TEX15: variants seen among roughly 807,000 people sequenced by gnomAD.
TEX15 encodes testis-expressed protein 15.
Under a neutral mutation model 237.3 loss-of-function variants are expected in TEX15, and 171 were observed. The observed-to-expected ratio is 0.72, with a 90% CI of 0.64 to 0.82. TEX15 has a LOEUF of 0.82. TEX15 is among the 40% of genes least tolerant of loss of function. The pLI, the probability that TEX15 is intolerant of heterozygous loss-of-function variation, is 0.00. For missense variants in TEX15, 3,750 were observed against 3,646.5 expected (o/e 1.03, Z -0.73); for synonymous variants, 1,338 against 1,269.8 (o/e 1.05, Z -1.14).
Position 30,837,733 on chromosome 8 carries a change from T to G in TEX15, c.8551A>C (p.Thr2851Pro). The G allele has an allele frequency of 5.0e-6, 8 of 1,614,162 alleles. No homozygotes were observed. Among genetic ancestry groups the G allele is most frequent in the Non-Finnish European group, 6.8e-6 (8 of 1,179,990 alleles). ...AICDQKSVHG[T>P]FSPDHGTLLQ... ...AGCGTCCCATGGTCTGGTGAAAATG[T>G]GCCATGTACACTTTTTTGGTCACAA... Residue 2851 changes from threonine to proline, a missense_variant, in exon 10 of 11, where the codon ACA becomes CCA. By Grantham distance (38) the Thr-to-Pro change is conservative. Transcript: ENST00000643185.
chr8:30,846,724 G>C lies in TEX15; in HGVS notation c.3443C>G (p.Thr1148Ser), dbSNP rs201042879. The C allele has an allele frequency of 3.3e-5, 54 of 1,613,468 alleles. No homozygotes were observed. The highest frequency in any genetic ancestry group is 4.5e-5 in the Non-Finnish European group (53 of 1,179,748). The change falls in exon 8 of 11, where the codon ACC (threonine) becomes AGC (serine). Residue 1148 changes from threonine (T) to serine (S), a missense_variant. Physicochemically the swap from Thr to Ser is moderately conservative, Grantham distance 58. Coordinates refer to ENST00000643185, the MANE Select transcript of TEX15 (RefSeq NM_001350162.2). ...TAGATCTGGAAGTAAAATTGGGCTG[G>C]TAAGTTCTGTTTCATTGTTTTGTGT... Reference protein sequence around the residue: ...SSTQNNETELTSPILLPDLQI... With the variant: ...SSTQNNETELSSPILLPDLQI...
chr8:30,848,191 T>C lies in TEX15; in HGVS notation c.1976A>G (p.Tyr659Cys), dbSNP rs780152051. 6.2e-7 allele frequency: 1 copy of C among 1,611,810 alleles called. No individual in the cohort carries two copies. The highest frequency in any genetic ancestry group is 1.7e-5 in the Admixed American group (1 of 59,746). The change falls in exon 8 of 11, where the codon TAC becomes TGC. Residue 659 changes from tyrosine to cysteine, a missense_variant. Tyr to Cys is a radical substitution (Grantham distance 194). Coordinates refer to ENST00000643185, the MANE Select transcript of TEX15 (RefSeq NM_001350162.2). The part of the protein sequence containing the change: ...NETKISPIDN[Y>C]IVLHQEYKES... ...TTTGTATTCTTGGTGCAAAACAATG[T>C]AATTATCTATTGGACTGATTTTTGT... is the stretch of plus-strand genomic sequence containing the variant.
At chr8:30,888,303 A>G (rs1258163306) in intron 2 of TEX15, among the ~76,000 whole-genome samples, 1 of 152,200 alleles carries the variant, frequency 6.6e-6, no homozygotes, top group Non-Finnish European at 1.5e-5. Flanking sequence ...CTCTGGCTTT[A>G]GAAGAAACTT....
chr8:30,891,910 ACTAT>A (rs1365921334), intron 2 of TEX15, among the ~76,000 whole-genome samples: 5 of 152,260 alleles, frequency 3.3e-5, no homozygotes, highest in South Asian at 2.1e-4. Flanking sequence ...TATATGAGAT[ACTAT>A]CTTTTTTGCT....
chr8:30,846,385 A>G lies in TEX15; in HGVS notation c.3782T>C (p.Leu1261Ser). The change falls in exon 8 of 11, where the codon TTG becomes TCG. Residue 1261 changes from leucine (L) to serine (S), a missense_variant. Physicochemically the swap from Leu to Ser is moderately radical, Grantham distance 145. Transcript: ENST00000643185. ...TGTGACATTAGAAGGTTCAGTAAACAAAGATTCACTGTTCTGATTTTCAGA... is the reference window on the plus strand; with the variant it reads ...TGTGACATTAGAAGGTTCAGTAAACGAAGATTCACTGTTCTGATTTTCAGA... ...HTSENQNSESLFTEPSNVTTI... is the reference protein window; with the variant it reads ...HTSENQNSESSFTEPSNVTTI... The G allele has an allele frequency of 6.2e-7, 1 of 1,613,414 alleles. No homozygotes were observed. The highest frequency in any genetic ancestry group is 1.1e-5 in the South Asian group (1 of 91,014).
In TEX15 at chr8:30,845,729, T is replaced by C; in HGVS notation, c.4438A>G (p.Thr1480Ala). 6.2e-7 allele frequency: 1 copy of C among 1,613,666 alleles called. No homozygotes were observed. Among genetic ancestry groups the C allele is most frequent in the South Asian group, 1.1e-5 (1 of 91,064 alleles). The stretch of plus-strand genomic sequence containing the variant: ...GAAAGGCATTTTTTCTCTCCACTTG[T>C]TTTATAAGACTTGTGCTTTGACACA... ...THVSKHKSYK[T>A]SGEKKCLSRK... is the part of the protein sequence containing the mutation. Residue 1480 changes from threonine (T) to alanine (A), a missense_variant, in exon 8 of 11, where the codon ACA (threonine) becomes GCA (alanine). Transcript: ENST00000643185.
intron 1 of TEX15, among the ~76,000 whole-genome samples, chr8:30,909,097 AAC>A (rs1340670326): frequency 6.6e-6 from 1 of 152,178 alleles, no homozygotes; most frequent in African/African-American, 2.4e-5. Flanking sequence ...GAGGCATATT[AAC>A]AGTGATTGTG....
At position 30,842,891 on chromosome 8, in the gene TEX15, C is replaced by T. The variant is rs765220951; in HGVS notation, c.7276G>A (p.Val2426Met). Residue 2426 changes from valine (V) to methionine (M), a missense_variant, in exon 8 of 11, where the codon GTG becomes ATG. Coordinates refer to ENST00000643185, the MANE Select transcript of TEX15 (RefSeq NM_001350162.2). The stretch of plus-strand genomic sequence containing the variant: ...GCCTCATGGCTGTGGTTTATCACCA[C>T]GTCTAAAACATTTTCTTCTGTGATA... Reference protein sequence around the residue: ...IFITEENVLDVVINHSHEAII... With the variant: ...IFITEENVLDMVINHSHEAII... The T allele has an allele frequency of 1.6e-5, 26 of 1,609,578 alleles. No individual in the cohort carries two copies. Among genetic ancestry groups the T allele is most frequent in the Admixed American group, 8.4e-5 (5 of 59,572 alleles).
Position 30,844,244 on chromosome 8 carries a change from TCAG to T in TEX15, c.5920_5922del (p.Leu1974del), listed in dbSNP as rs771068650. On this transcript the variant is annotated inframe_deletion, in exon 8 of 11. Coordinates refer to ENST00000643185, the MANE Select transcript of TEX15 (RefSeq NM_001350162.2). ...TCACTCACGTATGACGCAGGTTTCTTCAGAAGAGTAGGGACTTTACAGGTTTCA... is the reference window on the plus strand; with the variant it reads ...TCACTCACGTATGACGCAGGTTTCTTAAGAGTAGGGACTTTACAGGTTTCA... The T allele has an allele frequency of 6.2e-7, 1 of 1,612,682 alleles. No homozygotes were observed. The highest frequency in any genetic ancestry group is 2.2e-5 in the East Asian group (1 of 44,866).
chr8:30,845,310 A>C lies in TEX15; in HGVS notation c.4857T>G (p.Ser1619=), dbSNP rs1165970523. Residue 1619 remains serine (S), a synonymous_variant, in exon 8 of 11, where the codon TCT becomes TCG. Coordinates refer to ENST00000643185, the MANE Select transcript of TEX15 (RefSeq NM_001350162.2). The stretch of plus-strand genomic sequence containing the variant: ...TTATGTTTTCTTTTATGCAACTTAA[A>C]GATACAGAATTACTTTCATTTATTA... ...NEVINESNSV[S]LSCIKENINS... is the part of the protein sequence containing the mutation. The C allele has an allele frequency of 2.5e-6, 4 of 1,612,952 alleles. No individual in the cohort carries two copies. Among genetic ancestry groups the C allele is most frequent in the Non-Finnish European group, 3.4e-6 (4 of 1,179,434 alleles).
At chr8:30,893,994 TC>T (rs1475171390) in intron 2 of TEX15, among the ~76,000 whole-genome samples, 1 of 152,218 alleles carries the variant, frequency 6.6e-6, no homozygotes, top group Non-Finnish European at 1.5e-5. Context: ...ATATCATGTT[TC>T]TTCATATCTA....
intron 3 of TEX15, among the ~76,000 whole-genome samples, chr8:30,885,125 C>A (rs1416961951): frequency 6.6e-6 from 1 of 151,910 alleles, no homozygotes; most frequent in Non-Finnish European, 1.5e-5. Flanking sequence ...TGGGTATTTT[C>A]CAGCTATCTT....
chr8:30,896,460 A>G (rs1808908163), intron 2 of TEX15, among the ~76,000 whole-genome samples: 1 of 152,110 alleles, frequency 6.6e-6, no homozygotes, highest in South Asian at 2.1e-4. Flanking sequence ...CTTAGAGGGC[A>G]TTAGTGTGAT....
At chr8:30,861,747 A>C (rs950591718) in intron 5 of TEX15, among the ~76,000 whole-genome samples, 15 of 152,174 alleles carry the variant, frequency 9.9e-5, no homozygotes, top group Non-Finnish European at 1.8e-4. Flanking sequence ...AAAAAATTAA[A>C]AACGTGAAAT....
chr8:30,847,889 T>C lies in TEX15; in HGVS notation c.2278A>G (p.Ile760Val). The C allele has an allele frequency of 3.1e-6, 5 of 1,613,936 alleles. No homozygotes were observed. The highest frequency in any genetic ancestry group is 4.2e-6 in the Non-Finnish European group (5 of 1,179,938). Reference sequence around the variant, plus strand: ...GGTTTCGGGAAAGCTTCAGTTATAATGCTAGCATAATTTTGATTTATTTTC... The same window carrying C: ...GGTTTCGGGAAAGCTTCAGTTATAACGCTAGCATAATTTTGATTTATTTTC... ...LGKINQNYAS[I>V]ITEAFPKPKD... The change falls in exon 8 of 11, where the codon ATT becomes GTT. Residue 760 changes from isoleucine (I) to valine (V), a missense_variant. By Grantham distance (29) the Ile-to-Val change is conservative (BLOSUM62 3). Transcript: ENST00000643185.
rs781536081 is a variant in TEX15, at chr8:30,847,107, C to A, written c.3060G>T (p.Leu1020Phe). The A allele has an allele frequency of 6.2e-7, 1 of 1,613,672 alleles. No homozygotes were observed. The highest frequency in any genetic ancestry group is 1.1e-5 in the South Asian group (1 of 91,008). Residue 1020 changes from leucine to phenylalanine, a missense_variant, in exon 8 of 11, where the codon TTG becomes TTT. Physicochemically the swap from Leu to Phe is conservative, Grantham distance 22. Coordinates refer to ENST00000643185, the MANE Select transcript of TEX15 (RefSeq NM_001350162.2). Reference sequence around the variant, plus strand: ...AATCAGAAACCCTATGTTTTACTAACAAACCAAAATCTGGACTTTCAGAAG... The same window carrying A: ...AATCAGAAACCCTATGTTTTACTAAAAAACCAAAATCTGGACTTTCAGAAG... ...TCSSESPDFG[L>F]LVKHRVSDCE...
chr8:30,871,980 G>A (rs1808300729), intron 4 of TEX15, among the ~76,000 whole-genome samples: 1 of 152,136 alleles, frequency 6.6e-6, no homozygotes, highest in African/African-American at 2.4e-5. Flanking sequence ...CTTAGCACAA[G>A]TATATCCTTC....
chr8:30,834,770 G>C (rs1471773344), intron 10 of TEX15, among the ~76,000 whole-genome samples: 1 of 152,152 alleles, frequency 6.6e-6, no homozygotes, highest in Non-Finnish European at 1.5e-5. Flanking sequence ...CTGCATTCCA[G>C]GCTAAAGTAT....
rs1243950426 is a variant in TEX15, at chr8:30,881,608, G to A, written c.136+5559C>T. ...GTTTCATTAATTATCCTTCCATCTTGACTTTTTATTTTTTTTTATTATTTT... is the reference window on the plus strand; with the variant it reads ...GTTTCATTAATTATCCTTCCATCTTAACTTTTTATTTTTTTTTATTATTTT... On this transcript the variant is annotated intron_variant, in intron 3 of 10. Transcript: ENST00000643185. 1.7e-5 allele frequency among the ~76,000 whole-genome samples: 2 copies of A among 117,980 alleles called. 1 individual carries two copies. Among genetic ancestry groups the A allele is most frequent in the Non-Finnish European group, 3.3e-5 (2 of 61,058 alleles). The allele number at this position is 117,980 out of a possible 152,430, so 77.4% of individuals were successfully genotyped here. A position where few individuals can be genotyped will look rare whatever the true frequency, so the allele number is the denominator to read the frequency against.
Sources: allele counts gnomAD v4.1 joint callset (sites outside exome capture counted in the v4.1 genomes callset), GRCh38; gene constraint gnomAD v4.1.1; transcripts MANE v1.5; gene names NCBI Gene and HGNC (gene_info 2026-07-23, HGNC 2026-07-21).